Variants in OLA1 observed in about 807,000 individuals in gnomAD.
The protein encoded by OLA1 is obg-like ATPase 1.
OLA1 carries 14 observed loss-of-function variants against 48.4 expected under a neutral mutation model. The ratio of observed to expected loss-of-function variants is 0.29; its 90% CI spans 0.19 to 0.45. OLA1 has a LOEUF of 0.45. OLA1 is among the 20% of genes least tolerant of loss of function. The probability of loss-of-function intolerance (pLI) is 1.00; values close to 1 mark genes in which losing one functional copy is unlikely to be tolerated. For synonymous variants in OLA1, 127 were observed against 150.4 expected (o/e 0.84, Z 1.14); for missense variants, 325 against 467.1 (o/e 0.70, Z 2.80).
chr2:174,090,549 G>C (rs1489279680), intron 7 of OLA1, among the ~76,000 whole-genome samples: 2 of 152,170 alleles, frequency 1.3e-5, no homozygotes, highest in African/African-American at 4.8e-5. Flanking sequence ...CCTGCTAAGA[G>C]ACTTTAGGAA....
At chr2:174,171,275 T>A (rs1687295509) in intron 4 of OLA1, among the ~76,000 whole-genome samples, 1 of 152,206 alleles carries the variant, frequency 6.6e-6, no homozygotes, top group Non-Finnish European at 1.5e-5. Flanking sequence ...CTATTAATCA[T>A]CTTGAACGAA....
rs114153284 is a variant in OLA1, at chr2:174,074,983, A to G, written c.*443T>C. 7.2e-3 allele frequency: 1,208 copies of G among 168,644 alleles called. 16 individuals are homozygous for G. The highest frequency in any genetic ancestry group is 0.027 in the African/African-American group (1,139 of 41,678). The allele number at this position is 168,644 out of a possible 1,614,324, so 10.4% of individuals were successfully genotyped here. ...TCAGCACACCACAGTCAGTCAATAC[A>G]GACATCCCCAAACACACCAAGGCTG... On this transcript the variant is annotated 3_prime_UTR_variant, in exon 11 of 11. Coordinates refer to ENST00000284719, the MANE Select transcript of OLA1 (RefSeq NM_013341.5).
chr2:174,220,145 A>C (rs1688467244), intron 4 of OLA1, among the ~76,000 whole-genome samples: 1 of 152,124 alleles, frequency 6.6e-6, no homozygotes, highest in Non-Finnish European at 1.5e-5. Flanking sequence ...TAAATAAATA[A>C]AATCCTTTAG....
intron 4 of OLA1, among the ~76,000 whole-genome samples, chr2:174,142,350 G>A (rs1686474329): frequency 6.6e-6 from 1 of 152,148 alleles, no homozygotes; most frequent in African/African-American, 2.4e-5. Context: ...TGCACTATTA[G>A]GGTTTCCAAG....
intron 4 of OLA1, among the ~76,000 whole-genome samples, chr2:174,166,199 T>G (rs1248574371): frequency 6.6e-6 from 1 of 151,948 alleles, no homozygotes; most frequent in Non-Finnish European, 1.5e-5. Context: ...TGTAACTAAT[T>G]GATGAACATT....
chr2:174,120,312 G>A lies in OLA1; in HGVS notation c.728+2868C>T, dbSNP rs16862409. On this transcript the variant is annotated intron_variant, in intron 7 of 10. Coordinates refer to ENST00000284719, the MANE Select transcript of OLA1 (RefSeq NM_013341.5). ...GCAATCTCAAATGAAAATTAATACC[G>A]TCTATAGTATAATCTTAGTTATAAG... is the stretch of plus-strand genomic sequence containing the variant. 7.4e-3 allele frequency among the ~76,000 whole-genome samples: 1,129 copies of A among 152,120 alleles called. 26 individuals carry two copies. Among genetic ancestry groups the A allele is most frequent in the East Asian group, 0.036 (184 of 5,182 alleles).
intron 4 of OLA1, among the ~76,000 whole-genome samples, chr2:174,147,805 T>G (rs1448856092): frequency 6.6e-6 from 1 of 151,792 alleles, no homozygotes; most frequent in Non-Finnish European, 1.5e-5. Context: ...GAAAAACAAG[T>G]CTTTTTTATT....
intron 4 of OLA1, among the ~76,000 whole-genome samples, chr2:174,166,894 T>C (rs891140303): frequency 7.9e-5 from 12 of 152,190 alleles, no homozygotes. Context: ...GCCTTCTTTA[T>C]GGGAAAAATA....
At chr2:174,131,141 T>A (rs557042310) in intron 5 of OLA1, among the ~76,000 whole-genome samples, 8 of 152,290 alleles carry the variant, frequency 5.3e-5, no homozygotes, top group African/African-American at 1.4e-4. Context: ...CCACTCCTCT[T>A]CAGAGATAAT....
rs1688449492 is a variant in OLA1, at chr2:174,219,475, G to T, written c.373+3558C>A. 2.2e-5 allele frequency among the ~76,000 whole-genome samples: 3 copies of T among 139,154 alleles called. No homozygotes were observed. The Admixed American group carries it at 2.3e-4, about 11-fold the overall frequency. 91.3% of individuals were successfully genotyped at this position (139,154 alleles called of 152,430 possible). On this transcript the variant is annotated intron_variant, in intron 4 of 10. Coordinates refer to ENST00000284719, the MANE Select transcript of OLA1 (RefSeq NM_013341.5). ...CGATGGGTCTCACTCTGCCACCCAG[G>T]TTGGAGTGCAGTGGCGCAATGTTGG...
intron 7 of OLA1, among the ~76,000 whole-genome samples, chr2:174,085,148 C>A (rs1299437213): frequency 3.3e-5 from 5 of 152,084 alleles, no homozygotes; most frequent in Non-Finnish European, 1.5e-5. Flanking sequence ...GTAGTGATTC[C>A]ACAGCAAGGG....
intron 4 of OLA1, among the ~76,000 whole-genome samples, chr2:174,184,147 A>G (rs758691534): frequency 2.6e-5 from 4 of 152,240 alleles, no homozygotes; most frequent in Non-Finnish European, 4.4e-5. Flanking sequence ...AATTAAATTT[A>G]GCATTTAAGA....
chr2:174,155,619 T>C (rs761340502), intron 4 of OLA1, among the ~76,000 whole-genome samples: 1 of 152,232 alleles, frequency 6.6e-6, no homozygotes, highest in Non-Finnish European at 1.5e-5. Flanking sequence ...ACTTCTTGGG[T>C]GTTTGCATTA....
At chr2:174,224,164 TG>T (rs1290857116) in intron 3 of OLA1, among the ~76,000 whole-genome samples, 1 of 152,208 alleles carries the variant, frequency 6.6e-6, no homozygotes, top group Non-Finnish European at 1.5e-5. Context: ...AATTATTCTA[TG>T]AAGTATTACA....
intron 4 of OLA1, among the ~76,000 whole-genome samples, chr2:174,189,864 A>AAAC: frequency 1.1e-5 from 1 of 90,612 alleles, no homozygotes; most frequent in Non-Finnish European, 2.2e-5. Context: ...TAATCAGAGC[A>AAAC]AAAAAAAAAA....
chr2:174,111,213 C>G (rs2105359220), intron 7 of OLA1, among the ~76,000 whole-genome samples: 1 of 152,258 alleles, frequency 6.6e-6, no homozygotes, highest in Middle Eastern at 3.4e-3. Context: ...GTCATGCTTA[C>G]ACAAAATATT....
rs560799082 is a variant in OLA1, at chr2:174,142,446, C to T, written c.374-446G>A. Among the ~76,000 whole-genome samples, 18 of 152,160 alleles carry T rather than the reference C, an allele frequency of 1.2e-4. No homozygotes were observed. The South Asian group carries it at 3.7e-3, about 32-fold the overall frequency. ...ATCTACTTTATCACTGTGGTTCTGA[C>T]GGTGATTAGATAATGAACCACTCAG... On this transcript the variant is annotated intron_variant, in intron 4 of 10. Transcript: ENST00000284719.
chr2:174,173,588 C>T (rs1687355336), intron 4 of OLA1, among the ~76,000 whole-genome samples: 1 of 151,148 alleles, frequency 6.6e-6, no homozygotes, highest in Non-Finnish European at 1.5e-5. Context: ...ACTGCAAGCA[C>T]CTGTTAAAAA....
chr2:174,221,800 C>T (rs1688512358), intron 4 of OLA1, among the ~76,000 whole-genome samples: 1 of 152,310 alleles, frequency 6.6e-6, no homozygotes, highest in Non-Finnish European at 1.5e-5. Context: ...TCACACTTCA[C>T]TCTACCTTCT....
Sources: gnomAD v4.1 joint callset for allele counts (sites outside exome capture counted in the v4.1 genomes callset) on GRCh38, gnomAD v4.1.1 for gene constraint, MANE v1.5 for transcripts, NCBI Gene and HGNC (gene_info 2026-07-23, HGNC 2026-07-21) for gene names.